WNK1: variants seen among roughly 807,000 people sequenced by gnomAD.
WNK1 encodes the protein WNK lysine deficient protein kinase 1.
In WNK1, 38 loss-of-function variants were observed where a neutral mutation model predicts 222.8. That is an observed-to-expected ratio of 0.17 (90% CI 0.13 to 0.22). WNK1 has a LOEUF of 0.22. Among genes scored for constraint, WNK1 ranks in the 10% least tolerant of loss-of-function variants. WNK1 has a pLI of 1.00. For missense variants in WNK1, 2,348 were observed against 2,918.4 expected (o/e 0.80, Z 4.50); for synonymous variants, 1,090 against 1,092.9 (o/e 1.00, Z 0.05).
intron 1 of WNK1, among the ~76,000 whole-genome samples, chr12:768,423 A>C (rs1244966586): frequency 6.6e-6 from 1 of 152,170 alleles, no homozygotes; most frequent in Non-Finnish European, 1.5e-5. Flanking sequence ...GGCGTGAGCT[A>C]CCATGCCCGG....
At chr12:846,760 G>C (rs1950056529) in intron 4 of WNK1, among the ~76,000 whole-genome samples, 1 of 152,058 alleles carries the variant, frequency 6.6e-6, no homozygotes, top group Admixed American at 6.5e-5. Flanking sequence ...AAGCCATTAG[G>C]GTAAAATTCC....
rs906503193 is a variant in WNK1, at chr12:815,670, T to C, written c.932+1856T>C. ...AAGTGTTTGAATGAATTAAGGAGAA[T>C]TATGTGGTAATAATTATGTGTACAT... On this transcript the variant is annotated intron_variant, in intron 2 of 27. Transcript: ENST00000315939. 2.6e-5 allele frequency among the ~76,000 whole-genome samples: 4 copies of C among 152,360 alleles called. No homozygotes were observed. The South Asian group carries it at 6.2e-4, about 24-fold the overall frequency.
rs530399429 is a variant in WNK1, at chr12:762,273, T to C, written c.759+7949T>C. On this transcript the variant is annotated intron_variant, in intron 1 of 27. Coordinates refer to ENST00000315939, the MANE Select transcript of WNK1 (RefSeq NM_018979.4). Reference sequence around the variant, plus strand: ...TGGGGTTTCATCACGTTGGCCAGGCTGGTCTCGAACTCCTGACCTCAAGTG... The same window carrying C: ...TGGGGTTTCATCACGTTGGCCAGGCCGGTCTCGAACTCCTGACCTCAAGTG... Among the ~76,000 whole-genome samples, 218 of 146,702 alleles carry C rather than the reference T, an allele frequency of 1.5e-3. 7 individuals are homozygous for C. The highest frequency in any genetic ancestry group is 5.1e-3 in the African/African-American group (208 of 41,066).
intron 26 of WNK1, among the ~76,000 whole-genome samples, chr12:903,165 C>T (rs1955414454): frequency 6.6e-6 from 1 of 152,192 alleles, no homozygotes; most frequent in South Asian, 2.1e-4. Flanking sequence ...TGGCTCCTTC[C>T]AGCACCCCTA....
intron 1 of WNK1, among the ~76,000 whole-genome samples, chr12:768,057 C>T (rs1425451889): frequency 6.6e-6 from 1 of 152,172 alleles, no homozygotes; most frequent in Non-Finnish European, 1.5e-5. Flanking sequence ...TACCCAGGCA[C>T]CCTACTACAT....
At chr12:879,473 C>CTTTTTT in intron 10 of WNK1, 100 bp from the exon 11 acceptor site, 6 of 558,698 alleles carry the variant, frequency 1.1e-5, no homozygotes, top group East Asian at 4.5e-5. Context: ...TTTTTTCCTT[C>CTTTTTT]TTTTTGGCTA....
intron 1 of WNK1, among the ~76,000 whole-genome samples, chr12:763,865 G>A (rs1336312395): frequency 6.8e-6 from 1 of 147,702 alleles, no homozygotes; most frequent in Non-Finnish European, 1.5e-5. Flanking sequence ...TGATAGTGCT[G>A]TCAACTGAGA....
At chr12:895,960 C>T in intron 23 of WNK1, 111 bp from the exon 24 acceptor site, 1 of 1,418,424 alleles carries the variant, frequency 7.1e-7, no homozygotes, top group Non-Finnish European at 9.8e-7. Flanking sequence ...GACAATCAGC[C>T]TACTCTTTGA....
At chr12:837,778 C>A (rs568141358) in intron 4 of WNK1, among the ~76,000 whole-genome samples, 2 of 152,002 alleles carry the variant, frequency 1.3e-5, no homozygotes, top group Non-Finnish European at 2.9e-5. Flanking sequence ...TTTGCTTTAA[C>A]AACAGGTATG....
intron 1 of WNK1, among the ~76,000 whole-genome samples, chr12:779,746 T>A (rs1214833091): frequency 6.6e-6 from 1 of 152,212 alleles, no homozygotes; most frequent in Non-Finnish European, 1.5e-5. Flanking sequence ...TACAGCCGTG[T>A]GAATTGACTG....
At chr12:815,663 A>T (rs1947284331) in intron 2 of WNK1, among the ~76,000 whole-genome samples, 1 of 152,250 alleles carries the variant, frequency 6.6e-6, no homozygotes, top group Non-Finnish European at 1.5e-5. Flanking sequence ...GAATGAATTA[A>T]GGAGAATTAT....
At chr12:862,536 G>A (rs919733752) in intron 8 of WNK1, among the ~76,000 whole-genome samples, 2 of 152,202 alleles carry the variant, frequency 1.3e-5, no homozygotes, top group African/African-American at 4.8e-5. Flanking sequence ...CACTTAAGAT[G>A]TTGAAACTAT....
intron 1 of WNK1, among the ~76,000 whole-genome samples, chr12:762,200 C>G (rs1286278889): frequency 2.1e-5 from 3 of 145,770 alleles, no homozygotes; most frequent in African/African-American, 7.4e-5. Flanking sequence ...GCTGGGATTA[C>G]AGGCACATGC....
chr12:881,793 C>T lies in WNK1; in HGVS notation c.3209+4C>T, dbSNP rs768185780. Reference sequence around the variant, plus strand: ...CTTTGGCTTCCTCTGTAGACAGGTACGTAAAACTAGAATTCTCCTTCCTTG... The same window carrying T: ...CTTTGGCTTCCTCTGTAGACAGGTATGTAAAACTAGAATTCTCCTTCCTTG... On this transcript the variant is annotated splice_donor_region_variant and intron_variant, in intron 13 of 27. Transcript: ENST00000315939. 5.6e-6 allele frequency: 9 copies of T among 1,614,036 alleles called. No individual in the cohort carries two copies. Among genetic ancestry groups the T allele is most frequent in the East Asian group, 2.2e-5 (1 of 44,870 alleles).
chr12:838,359 C>A (rs1223375526), intron 4 of WNK1, among the ~76,000 whole-genome samples: 1 of 152,080 alleles, frequency 6.6e-6, no homozygotes, highest in African/African-American at 2.4e-5. Flanking sequence ...TACATTCCCA[C>A]CATCAGTGTA....
intron 1 of WNK1, among the ~76,000 whole-genome samples, chr12:768,584 C>G (rs1565400899): frequency 1.3e-5 from 2 of 152,138 alleles, no homozygotes; most frequent in South Asian, 4.1e-4. Context: ...TTCTATCCCT[C>G]TTAGAAGGGC....
intron 1 of WNK1, among the ~76,000 whole-genome samples, chr12:789,000 T>C (rs867691070): frequency 3.3e-5 from 5 of 152,310 alleles, no homozygotes; most frequent in South Asian, 2.1e-4. Flanking sequence ...TATTAGTTGG[T>C]TCTCAAATGT....
intron 11 of WNK1, 75 bp from the exon 12 acceptor site, chr12:880,646 T>TTG: frequency 1.4e-6 from 2 of 1,471,706 alleles, no homozygotes; most frequent in Admixed American, 1.8e-5. Flanking sequence ...TTTTTTTTTT[T>TTG]TTGCATGTCT....
intron 1 of WNK1, chr12:781,068 C>T (rs1033741248): frequency 2.0e-5 from 3 of 152,990 alleles, no homozygotes; most frequent in Non-Finnish European, 4.4e-5. Context: ...AGTTTCCTTA[C>T]TAGCAATGAG....
Sources: allele counts gnomAD v4.1 joint callset (sites outside exome capture counted in the v4.1 genomes callset), GRCh38; gene constraint gnomAD v4.1.1; transcripts MANE v1.5; gene names NCBI Gene and HGNC (gene_info 2026-07-23, HGNC 2026-07-21).